The following PRIM2 variants were observed in gnomAD, a reference collection of about 807,000 sequenced individuals.
PRIM2 encodes DNA primase large subunit.
A neutral mutation model predicts 67.3 loss-of-function variants in PRIM2; 39 were observed. That is an observed-to-expected ratio of 0.58 (90% CI 0.45 to 0.76). The LOEUF (loss-of-function observed/expected upper bound fraction) is 0.76, where lower values mean the gene tolerates loss of function less well. PRIM2 is among the 30% of genes least tolerant of loss of function. The pLI is 0.00. For synonymous variants in PRIM2, 143 were observed against 198.7 expected (o/e 0.72, Z 2.36); for missense variants, 398 against 598.7 (o/e 0.66, Z 3.50).
At chr6:57,624,171 T>G (rs1776905537) in intron 12 of PRIM2, among the ~76,000 whole-genome samples, 1 of 152,182 alleles carries the variant, frequency 6.6e-6, no homozygotes, top group African/African-American at 2.4e-5. Context: ...GGAACTGAGG[T>G]TTGACAACAT....
chr6:57,278,045 A>T, the PRIM2 span, among the ~76,000 whole-genome samples: 1 of 151,168 alleles, frequency 6.6e-6, no homozygotes, highest in South Asian at 2.1e-4. Flanking sequence ...TCTGTGTTTG[A>T]GCTGGGCACG....
At chr6:57,533,786 A>G (rs1387367295) in intron 9 of PRIM2, among the ~76,000 whole-genome samples, 3 of 152,220 alleles carry the variant, frequency 2.0e-5, no homozygotes, top group Non-Finnish European at 4.4e-5. Flanking sequence ...TATTGAGCCC[A>G]TCAGTTATGT....
chr6:57,335,190 G>A (rs1198085810), intron 5 of PRIM2, among the ~76,000 whole-genome samples: 1 of 152,184 alleles, frequency 6.6e-6, no homozygotes, highest in Non-Finnish European at 1.5e-5. Context: ...ATTATATCCC[G>A]CACCTGGCTC....
chr6:57,367,859 C>A (rs2127320035), intron 5 of PRIM2, among the ~76,000 whole-genome samples: 1 of 152,300 alleles, frequency 6.6e-6, no homozygotes, highest in Non-Finnish European at 1.5e-5. Flanking sequence ...CTGGGCCTGG[C>A]AGGGCATCAC....
chr6:57,287,704 A>G, the PRIM2 span, among the ~76,000 whole-genome samples: 25 of 152,072 alleles, frequency 1.6e-4, no homozygotes, highest in African/African-American at 5.5e-4. Flanking sequence ...GCAGGAAAAC[A>G]CCATGGCACC....
At chr6:57,457,118 C>G (rs1405788305) in intron 7 of PRIM2, among the ~76,000 whole-genome samples, 44 of 121,978 alleles carry the variant, frequency 3.6e-4, no homozygotes, top group African/African-American at 1.4e-3. Flanking sequence ...TGGTGAGCAG[C>G]AAATGTTCCT....
At chr6:57,553,440 A>G (rs1775444166) in intron 10 of PRIM2, among the ~76,000 whole-genome samples, 1 of 152,090 alleles carries the variant, frequency 6.6e-6, no homozygotes, top group African/African-American at 2.4e-5. Flanking sequence ...GGACATAGTC[A>G]TTTTAATTAG....
intron 7 of PRIM2, among the ~76,000 whole-genome samples, chr6:57,430,604 C>A (rs1439751137): frequency 2.0e-5 from 3 of 151,734 alleles, no homozygotes; most frequent in Admixed American, 6.6e-5. Flanking sequence ...CAGGTGCCCA[C>A]CACCATGCCC....
chr6:57,556,238 A>G (rs1187731872), intron 10 of PRIM2, among the ~76,000 whole-genome samples: 3 of 152,228 alleles, frequency 2.0e-5, no homozygotes, highest in African/African-American at 7.2e-5. Context: ...TTATAGATTC[A>G]ATGCTATTCC....
At chr6:57,427,028 G>A (rs565205861) in intron 7 of PRIM2, among the ~76,000 whole-genome samples, 1 of 152,022 alleles carries the variant, frequency 6.6e-6, no homozygotes, top group South Asian at 2.1e-4. Context: ...CTATATTTTC[G>A]GCTTGTGTGA....
intron 12 of PRIM2, among the ~76,000 whole-genome samples, chr6:57,612,736 G>T (rs1415848422): frequency 1.3e-5 from 2 of 150,882 alleles, no homozygotes; most frequent in African/African-American, 4.9e-5. Context: ...GTAAAAAGGG[G>T]ATATATTTTA....
At chr6:57,410,236 A>AT (rs1387690532) in intron 7 of PRIM2, among the ~76,000 whole-genome samples, 2 of 150,420 alleles carry the variant, frequency 1.3e-5, no homozygotes, top group African/African-American at 2.4e-5. Flanking sequence ...AGGCAGGAGA[A>AT]TTGCTTGAAT....
At chr6:57,460,763 A>G (rs1270994399) in intron 7 of PRIM2, among the ~76,000 whole-genome samples, 1 of 152,142 alleles carries the variant, frequency 6.6e-6, no homozygotes, top group African/African-American at 2.4e-5. Context: ...TTGCTTTTGG[A>G]TTTTCCCTAT....
intron 10 of PRIM2, among the ~76,000 whole-genome samples, chr6:57,541,040 T>A (rs2127471450): frequency 6.6e-6 from 1 of 152,310 alleles, no homozygotes; most frequent in African/African-American, 2.4e-5. Flanking sequence ...GAAGTGTCAC[T>A]AGTAATGCTG....
chr6:57,322,828 A>T (rs189027403), intron 3 of PRIM2, among the ~76,000 whole-genome samples: 5 of 152,312 alleles, frequency 3.3e-5, no homozygotes, highest in Admixed American at 3.3e-4. Context: ...TCTGCCTGGT[A>T]GCCTTTATTT....
At chr6:57,515,087 A>G (rs1774454536) in intron 8 of PRIM2, among the ~76,000 whole-genome samples, 1 of 152,240 alleles carries the variant, frequency 6.6e-6, no homozygotes, top group East Asian at 1.9e-4. Flanking sequence ...AACTTGATGC[A>G]TACTTTAATT....
At chr6:57,579,568 T>A (rs1367616078) in intron 10 of PRIM2, among the ~76,000 whole-genome samples, 1 of 151,164 alleles carries the variant, frequency 6.6e-6, no homozygotes, top group African/African-American at 2.5e-5. Flanking sequence ...CCTTCAGCAA[T>A]TTAGTTTAAG....
At chr6:57,237,853 G>A in the PRIM2 span, among the ~76,000 whole-genome samples, 11 of 152,286 alleles carry the variant, frequency 7.2e-5, no homozygotes, top group Middle Eastern at 6.8e-3. Context: ...GTAGCGTGAT[G>A]CCTCCAGCTT....
At chr6:57,516,265 C>T (rs1774485652) in intron 8 of PRIM2, among the ~76,000 whole-genome samples, 1 of 152,166 alleles carries the variant, frequency 6.6e-6, no homozygotes, top group South Asian at 2.1e-4. Context: ...CTAACACATT[C>T]AGAGGATCCA....
Sources: gnomAD v4.1 joint callset for allele counts (sites outside exome capture counted in the v4.1 genomes callset) on GRCh38, gnomAD v4.1.1 for gene constraint, MANE v1.5 for transcripts, NCBI Gene and HGNC (gene_info 2026-07-23, HGNC 2026-07-21) for gene names.